Variants in RIN2 observed in about 807,000 individuals in gnomAD.
The protein encoded by RIN2 is RAB5 interacting protein 2.
Under a neutral mutation model 78.0 loss-of-function variants are expected in RIN2, and 36 were observed. That is an observed-to-expected ratio of 0.46 (90% confidence interval 0.35 to 0.61). The LOEUF is 0.61. Ranked by LOEUF, RIN2 falls within the 20% of genes least tolerant of loss-of-function variation. The probability of loss-of-function intolerance (pLI) is 0.00; values close to 1 mark genes in which losing one functional copy is unlikely to be tolerated. For synonymous variants in RIN2, 466 were observed against 466.8 expected, an observed-to-expected ratio of 1.00 and a Z score of 0.02; for missense variants, 1,087 against 1,159.7, an observed-to-expected ratio of 0.94 and a Z score of 0.91.
intron 2 of RIN2, among the ~76,000 whole-genome samples, chr20:19,856,935 AT>A (rs1368593077): frequency 6.6e-6 from 1 of 152,136 alleles, no homozygotes; most frequent in African/African-American, 2.4e-5. Flanking sequence ...ACATACTGGA[AT>A]ATCTTAGCCA....
In RIN2 at chr20:19,826,280, CATTT is replaced by C. The variant is rs2036087912; in HGVS notation, c.-37+26537_-37+26540del. Among the ~76,000 whole-genome samples the C allele has an allele frequency of 4.6e-5, 7 of 152,174 alleles. 1 individual carries two copies. Among genetic ancestry groups the C allele is most frequent in the Admixed American group, 4.6e-4 (7 of 15,288 alleles). On this transcript the variant is annotated intron_variant, in intron 2 of 12. Transcript: ENST00000255006. ...AATAAATAATTATGAGAATAGCTAG[CATTT>C]ATTAATCATTTATTATATTACACAC...
chr20:19,894,578 C>T (rs868191723), intron 3 of RIN2, among the ~76,000 whole-genome samples: 6 of 152,174 alleles, frequency 3.9e-5, no homozygotes, highest in South Asian at 4.1e-4. Context: ...CTCCAAAGTC[C>T]TTGCCTTTCT....
intron 2 of RIN2, among the ~76,000 whole-genome samples, chr20:19,823,070 C>T (rs2035975631): frequency 6.6e-6 from 1 of 151,790 alleles, no homozygotes; most frequent in Admixed American, 6.6e-5. Flanking sequence ...TTATTCAATG[C>T]CCATTTTACA....
At chr20:19,923,960 G>A (rs2040038415) in intron 3 of RIN2, among the ~76,000 whole-genome samples, 1 of 151,606 alleles carries the variant, frequency 6.6e-6, no homozygotes. Flanking sequence ...GAAGGGCAGA[G>A]TTCTGTTTCA....
At chr20:19,935,573 C>G in intron 4 of RIN2, 1 of 1,010,052 alleles carries the variant, frequency 9.9e-7, no homozygotes, top group Non-Finnish European at 1.2e-6. Context: ...TACAGGGGAG[C>G]AGCTAAAGAG....
At chr20:19,862,393 A>G (rs1011192661) in intron 2 of RIN2, among the ~76,000 whole-genome samples, 2 of 152,128 alleles carry the variant, frequency 1.3e-5, no homozygotes. Flanking sequence ...AGAGTTCGAG[A>G]CCAGCCTGGC....
intron 2 of RIN2, among the ~76,000 whole-genome samples, chr20:19,870,309 T>C (rs893645274): frequency 6.6e-6 from 1 of 152,204 alleles, no homozygotes; most frequent in African/African-American, 2.4e-5. Flanking sequence ...GTCCAGATCA[T>C]GTCTTTTGCA....
chr20:19,854,694 T>C (rs2037107888), intron 2 of RIN2, among the ~76,000 whole-genome samples: 1 of 152,182 alleles, frequency 6.6e-6, no homozygotes, highest in Non-Finnish European at 1.5e-5. Context: ...CTGTTATTGG[T>C]GTATAAGAAT....
chr20:19,869,805 T>TTTATTTA (rs1417891005), intron 2 of RIN2, among the ~76,000 whole-genome samples: 2 of 148,596 alleles, frequency 1.3e-5, no homozygotes, highest in African/African-American at 4.9e-5. Context: ...TATTTATTTA[T>TTTATTTA]TTATTTATTT....
chr20:19,952,839 G>A (rs1023356713), intron 4 of RIN2, among the ~76,000 whole-genome samples: 2 of 152,128 alleles, frequency 1.3e-5, no homozygotes, highest in African/African-American at 2.4e-5. Flanking sequence ...CCCATCCCGC[G>A]CCCGCAGCCC....
intron 3 of RIN2, among the ~76,000 whole-genome samples, chr20:19,920,150 G>T (rs2039853880): frequency 6.6e-6 from 1 of 152,100 alleles, no homozygotes; most frequent in East Asian, 1.9e-4. Flanking sequence ...AAAAAAATTA[G>T]CCAGGCATGG....
intron 9 of RIN2, among the ~76,000 whole-genome samples, chr20:19,978,473 T>C (rs577954006): frequency 6.6e-6 from 1 of 152,218 alleles, no homozygotes; most frequent in Non-Finnish European, 1.5e-5. Flanking sequence ...TCAGTCACTT[T>C]CCTTTTGCCC....
intron 2 of RIN2, chr20:19,823,396 T>G: frequency 1.5e-6 from 1 of 660,178 alleles, no homozygotes; most frequent in Non-Finnish European, 2.7e-6. Flanking sequence ...TGCTTTTTTT[T>G]TTTTCTTTTT....
At chr20:19,820,919 A>T (rs2035907926) in intron 2 of RIN2, among the ~76,000 whole-genome samples, 1 of 152,176 alleles carries the variant, frequency 6.6e-6, no homozygotes, top group South Asian at 2.1e-4. Flanking sequence ...CCACCAAGCT[A>T]CCAAGGGTTT....
chr20:19,805,931 A>G (rs1403444364), intron 2 of RIN2, among the ~76,000 whole-genome samples: 1 of 151,902 alleles, frequency 6.6e-6, no homozygotes, highest in Non-Finnish European at 1.5e-5. Flanking sequence ...ATGTGTTCTC[A>G]TTGTTCAGCT....
intron 2 of RIN2, among the ~76,000 whole-genome samples, chr20:19,866,941 C>T (rs2037528893): frequency 6.6e-6 from 1 of 152,066 alleles, no homozygotes. Flanking sequence ...ATTTATTTTT[C>T]AACACACATG....
chr20:19,923,733 C>T (rs987302989), intron 3 of RIN2, among the ~76,000 whole-genome samples: 2 of 152,218 alleles, frequency 1.3e-5, no homozygotes, highest in African/African-American at 4.8e-5. Flanking sequence ...TTTCACTTAA[C>T]TCAGAGGATG....
At chr20:19,976,051 C>T (rs2042269902) in intron 9 of RIN2, among the ~76,000 whole-genome samples, 1 of 152,124 alleles carries the variant, frequency 6.6e-6, no homozygotes, top group South Asian at 2.1e-4. Flanking sequence ...GTCCAGCTGC[C>T]GCCTGCTGTG....
intron 2 of RIN2, among the ~76,000 whole-genome samples, chr20:19,865,106 G>A (rs988356297): frequency 1.3e-5 from 2 of 152,168 alleles, no homozygotes; most frequent in Non-Finnish European, 2.9e-5. Flanking sequence ...CCCAGATTTA[G>A]TACTTGCCAA....
Sources: gnomAD v4.1 joint callset for allele counts (sites outside exome capture counted in the v4.1 genomes callset) on GRCh38, gnomAD v4.1.1 for gene constraint, MANE v1.5 for transcripts, NCBI Gene and HGNC (gene_info 2026-07-23, HGNC 2026-07-21) for gene names.